The following MED27 variants were observed in gnomAD, a reference collection of about 807,000 sequenced individuals.
MED27 encodes mediator of RNA polymerase II transcription subunit 27.
Under a neutral mutation model 38.2 loss-of-function variants are expected in MED27, and 30 were observed. That is an observed-to-expected ratio of 0.79 (90% confidence interval 0.59 to 1.07). MED27 has a LOEUF of 1.07. MED27 is among the 50% of genes least tolerant of loss of function. MED27 has a pLI of 0.00. For missense variants in MED27, 289 were observed against 397.5 expected, an observed-to-expected ratio of 0.73 and a Z score of 2.32; for synonymous variants, 122 against 153.5, an observed-to-expected ratio of 0.79 and a Z score of 1.52.
intron 2 of MED27, among the ~76,000 whole-genome samples, chr9:132,048,493 G>A (rs1416565072): frequency 6.6e-6 from 1 of 152,112 alleles, no homozygotes; most frequent in African/African-American, 2.4e-5. Context: ...GGTCTCTGTG[G>A]ACAATTACAG....
intron 2 of MED27, among the ~76,000 whole-genome samples, chr9:132,067,343 T>C (rs1001909565): frequency 1.3e-5 from 2 of 152,180 alleles, no homozygotes; most frequent in African/African-American, 4.8e-5. Flanking sequence ...AAGGCAATCA[T>C]GGGGTAAACA....
At chr9:132,028,260 A>C (rs188274716) in intron 2 of MED27, among the ~76,000 whole-genome samples, 22 of 152,334 alleles carry the variant, frequency 1.4e-4, no homozygotes, top group African/African-American at 5.3e-4. Flanking sequence ...GGCCGCCTAA[A>C]GGAGCTGGGG....
At chr9:131,951,990 G>C (rs569602659) in intron 3 of MED27, among the ~76,000 whole-genome samples, 3 of 152,322 alleles carry the variant, frequency 2.0e-5, no homozygotes, top group Admixed American at 2.0e-4. Flanking sequence ...GCATGATCCT[G>C]AAATGACCTA....
chr9:132,037,966 G>A (rs1335018013), intron 2 of MED27, among the ~76,000 whole-genome samples: 8 of 152,126 alleles, frequency 5.3e-5, no homozygotes, highest in Non-Finnish European at 1.0e-4. Context: ...GGGTGCGTGA[G>A]GGTGGATTTG....
intron 3 of MED27, among the ~76,000 whole-genome samples, chr9:131,958,925 T>G (rs1564299946): frequency 1.3e-5 from 2 of 152,376 alleles, no homozygotes; most frequent in Middle Eastern, 3.4e-3. Flanking sequence ...CCTCATCCTG[T>G]GAAGCCCTTT....
chr9:131,920,371 T>C (rs1731097839), intron 4 of MED27, among the ~76,000 whole-genome samples: 1 of 152,198 alleles, frequency 6.6e-6, no homozygotes, highest in Admixed American at 6.5e-5. Context: ...ATCTCAGTAT[T>C]TGAAAGAAGA....
intron 2 of MED27, among the ~76,000 whole-genome samples, chr9:132,050,810 G>C (rs1409230998): frequency 2.0e-5 from 3 of 152,146 alleles, no homozygotes; most frequent in Non-Finnish European, 2.9e-5. Flanking sequence ...ATCACTACCT[G>C]CCATTGCTTT....
At chr9:132,014,307 C>G in intron 3 of MED27, 30 bp downstream of exon 3, 3 of 1,602,342 alleles carry the variant, frequency 1.9e-6, no homozygotes, top group Non-Finnish European at 2.6e-6. Flanking sequence ...TCACCCAGTA[C>G]TAAAGTAATT....
At chr9:132,059,531 G>A (rs1401785879) in intron 2 of MED27, among the ~76,000 whole-genome samples, 1 of 152,224 alleles carries the variant, frequency 6.6e-6, no homozygotes. Context: ...CAGGTGATGG[G>A]GCCGAGAGAT....
chr9:132,054,254 G>A (rs1450967123), intron 2 of MED27, among the ~76,000 whole-genome samples: 3 of 152,070 alleles, frequency 2.0e-5, no homozygotes, highest in Non-Finnish European at 4.4e-5. Flanking sequence ...AAAGTGTGCG[G>A]CACCGCCCCG....
chr9:132,047,071 T>C (rs2131129734), intron 2 of MED27, among the ~76,000 whole-genome samples: 1 of 152,302 alleles, frequency 6.6e-6, no homozygotes, highest in Admixed American at 6.5e-5. Flanking sequence ...TGTATATATA[T>C]ACACATGCAA....
rs1297257420 is a variant in MED27, at chr9:131,861,556, A to G, written c.802-884T>C. ...GCCCATCAGTACTGTCCCCCTTTCCAAAGGCCAGGTGTTTGGGGGTTTTGG... is the reference window on the plus strand; with the variant it reads ...GCCCATCAGTACTGTCCCCCTTTCCGAAGGCCAGGTGTTTGGGGGTTTTGG... On this transcript the variant is annotated intron_variant, in intron 7 of 7. Transcript: ENST00000292035. This position sits in a 1 kb window ranked among gnomAD's most constrained non-coding sequence, Gnocchi z 4.4. 6.6e-6 allele frequency among the ~76,000 whole-genome samples: 1 copy of G among 152,128 alleles called. No individual in the cohort carries two copies. Among genetic ancestry groups the G allele is most frequent in the Admixed American group, 6.5e-5 (1 of 15,276 alleles).
chr9:131,951,487 T>C (rs1830995580), intron 3 of MED27, among the ~76,000 whole-genome samples: 1 of 152,174 alleles, frequency 6.6e-6, no homozygotes, highest in South Asian at 2.1e-4. Flanking sequence ...ACAACTCTAT[T>C]CAGCACAACA....
chr9:132,066,394 G>A (rs894661053), intron 2 of MED27, among the ~76,000 whole-genome samples: 2 of 152,230 alleles, frequency 1.3e-5, no homozygotes, highest in Non-Finnish European at 2.9e-5. Context: ...GATGAGGCTG[G>A]AGGAGACTTC....
chr9:131,907,271 C>T (rs923328622), intron 4 of MED27, among the ~76,000 whole-genome samples: 22 of 152,114 alleles, frequency 1.4e-4, no homozygotes, highest in Non-Finnish European at 1.0e-4. Flanking sequence ...GATGCCGAGC[C>T]GAAGCTGGAC....
chr9:132,021,932 C>A (rs1316840682), intron 2 of MED27, among the ~76,000 whole-genome samples: 1 of 152,174 alleles, frequency 6.6e-6, no homozygotes, highest in Admixed American at 6.5e-5. Flanking sequence ...GCAACTTGAC[C>A]TTGGACTTTC....
Position 131,982,968 on chromosome 9 carries a change from T to A in MED27, c.479+31369A>T, listed in dbSNP as rs1305913227. Among the ~76,000 whole-genome samples the A allele has an allele frequency of 2.0e-5, 3 of 152,210 alleles. No homozygotes were observed. The highest frequency in any genetic ancestry group is 4.4e-5 in the Non-Finnish European group (3 of 68,026). On this transcript the variant is annotated intron_variant, in intron 3 of 7. Transcript: ENST00000292035. This position sits in a 1 kb window ranked among gnomAD's most constrained non-coding sequence, Gnocchi z 4.3. ...TGATATTCACCACCTGAGGATTTTG[T>A]TAAAATGTAGATTCGCATTCAGGAG...
chr9:131,896,675 G>C (rs1829837433), intron 4 of MED27, among the ~76,000 whole-genome samples: 1 of 151,914 alleles, frequency 6.6e-6, no homozygotes, highest in Non-Finnish European at 1.5e-5. Context: ...ATTATCAAAG[G>C]CTTATGGTTT....
intron 4 of MED27, among the ~76,000 whole-genome samples, chr9:131,919,111 G>A (rs1830344206): frequency 6.6e-6 from 1 of 152,192 alleles, no homozygotes; most frequent in Non-Finnish European, 1.5e-5. Context: ...AGGGAGTAGG[G>A]AGAAGGAGGA....
Sources: allele counts gnomAD v4.1 joint callset (sites outside exome capture counted in the v4.1 genomes callset), GRCh38; gene constraint gnomAD v4.1.1; non-coding constraint Gnocchi (gnomAD v3.1); transcripts MANE v1.5; gene names NCBI Gene and HGNC (gene_info 2026-07-23, HGNC 2026-07-21).